SPMIP9: variants seen among roughly 807,000 people sequenced by gnomAD.
SPMIP9 encodes protein SPMIP9.
At chr2:88,525,781 G>T in the SPMIP9 span, 31 of 1,062,376 alleles carry the variant, frequency 2.9e-5, no homozygotes, top group Non-Finnish European at 3.9e-5. Context: ...TGTAATGATA[G>T]TTTTGGGTTT....
the SPMIP9 span, chr2:88,525,585 A>C: frequency 1.2e-6 from 2 of 1,609,086 alleles, no homozygotes; most frequent in African/African-American, 2.7e-5. Context: ...GATAGTGGCT[A>C]CTTTCCTTGT....
the SPMIP9 span, among the ~76,000 whole-genome samples, chr2:88,526,043 T>C: frequency 7.2e-5 from 11 of 152,008 alleles, no homozygotes; most frequent in African/African-American, 2.7e-4. Flanking sequence ...AAGGAAAGGG[T>C]TTAACTCTTG....
the SPMIP9 span, chr2:88,525,746 G>T: frequency 6.8e-7 from 1 of 1,480,980 alleles, no homozygotes; most frequent in Non-Finnish European, 9.4e-7. Flanking sequence ...GGAAGGGCCA[G>T]GCTCTTTCTA....
At chr2:88,526,715 A>G in the SPMIP9 span, among the ~76,000 whole-genome samples, 12 of 151,844 alleles carry the variant, frequency 7.9e-5, no homozygotes, top group African/African-American at 2.7e-4. Context: ...CCCAGGCTGG[A>G]GTGCAGTGGC....
At chr2:88,529,104 C>G in the SPMIP9 span, 1 of 1,614,168 alleles carries the variant, frequency 6.2e-7, no homozygotes, top group Admixed American at 1.7e-5. Flanking sequence ...AGGCCCATCC[C>G]TAACCCCAAC....
the SPMIP9 span, chr2:88,525,727 C>T: frequency 1.3e-6 from 2 of 1,595,224 alleles, no homozygotes; most frequent in Non-Finnish European, 1.7e-6. Flanking sequence ...GTAGCCTCAG[C>T]AAGGCCCTGG....
the SPMIP9 span, among the ~76,000 whole-genome samples, chr2:88,528,101 T>G: frequency 2.6e-5 from 4 of 152,158 alleles, no homozygotes; most frequent in African/African-American, 9.6e-5. Context: ...TTCTTATTAA[T>G]TTGTAGACGT....
the SPMIP9 span, among the ~76,000 whole-genome samples, chr2:88,528,240 C>T: frequency 6.6e-6 from 1 of 150,546 alleles, no homozygotes; most frequent in Non-Finnish European, 1.5e-5. Context: ...TGGGTTCAAG[C>T]GATTCTCCTG....
chr2:88,525,667 G>A, the SPMIP9 span: 1 of 1,614,184 alleles, frequency 6.2e-7, no homozygotes, highest in East Asian at 2.2e-5. Context: ...AAATACCCGG[G>A]ACAGGTGAGT....
chr2:88,525,738 A>C, the SPMIP9 span: 1 of 1,527,058 alleles, frequency 6.5e-7, no homozygotes, highest in Non-Finnish European at 9.1e-7. Flanking sequence ...AAGGCCCTGG[A>C]AGGGCCAGGC....
the SPMIP9 span, chr2:88,526,367 G>A: frequency 1.1e-5 from 17 of 1,507,800 alleles, no homozygotes; most frequent in African/African-American, 1.7e-4. Flanking sequence ...GAGGAGTGAC[G>A]AGGGAATCTC....
At chr2:88,526,417 T>G in the SPMIP9 span, 1 of 1,613,514 alleles carries the variant, frequency 6.2e-7, no homozygotes, top group Admixed American at 1.7e-5. Flanking sequence ...CCCTGTGGAT[T>G]TAGACATATA....
At chr2:88,528,097 T>C in the SPMIP9 span, among the ~76,000 whole-genome samples, 4 of 152,096 alleles carry the variant, frequency 2.6e-5, no homozygotes, top group African/African-American at 7.2e-5. Flanking sequence ...CTTTTTCTTA[T>C]TAATTTGTAG....
the SPMIP9 span, chr2:88,526,301 C>A: frequency 1.2e-6 from 1 of 863,054 alleles, no homozygotes; most frequent in Non-Finnish European, 1.9e-6. Flanking sequence ...AATGTCAGGC[C>A]CCAAAGTCGG....
At chr2:88,527,905 TG>T in the SPMIP9 span, among the ~76,000 whole-genome samples, 36 of 152,320 alleles carry the variant, frequency 2.4e-4, no homozygotes, top group South Asian at 6.0e-3. Flanking sequence ...TGCCATTGCT[TG>T]GTATTGGCAG....
chr2:88,527,310 A>C, the SPMIP9 span, among the ~76,000 whole-genome samples: 2 of 152,104 alleles, frequency 1.3e-5, no homozygotes, highest in African/African-American at 2.4e-5. Flanking sequence ...CCTGGCTGAC[A>C]TGGCGAAATC....
the SPMIP9 span, chr2:88,529,297 C>G: frequency 6.2e-7 from 1 of 1,614,154 alleles, no homozygotes; most frequent in Non-Finnish European, 8.5e-7. Flanking sequence ...CCCAGGGTGA[C>G]CCCAACCAGG....
At chr2:88,529,354 G>A in the SPMIP9 span, 3 of 1,614,176 alleles carry the variant, frequency 1.9e-6, no homozygotes, top group Admixed American at 1.7e-5. Context: ...CCAAACACCA[G>A]CCTGCTGCAG....
the SPMIP9 span, among the ~76,000 whole-genome samples, chr2:88,528,775 A>G: frequency 2.0e-5 from 3 of 152,196 alleles, no homozygotes; most frequent in Non-Finnish European, 4.4e-5. Context: ...ATGCACATCA[A>G]ATATTTCTAG....
Sources: gnomAD v4.1 joint callset for allele counts (sites outside exome capture counted in the v4.1 genomes callset) on GRCh38, gnomAD v4.1.1 for gene constraint, MANE v1.5 for transcripts, NCBI Gene and HGNC (gene_info 2026-07-23, HGNC 2026-07-21) for gene names.